Variants in TCEA2 observed in about 807,000 individuals in gnomAD.
TCEA2 encodes transcription elongation factor A protein 2.
In TCEA2, 21 loss-of-function variants were observed where a neutral mutation model predicts 40.8. The ratio of observed to expected loss-of-function variants is 0.51; its 90% CI spans 0.36 to 0.74. The LOEUF (loss-of-function observed/expected upper bound fraction) is 0.74, where lower values mean the gene tolerates loss of function less well. TCEA2 is among the 30% of genes least tolerant of loss of function. The probability of loss-of-function intolerance (pLI) is 0.00; values close to 1 mark genes in which losing one functional copy is unlikely to be tolerated. For synonymous variants in TCEA2, 165 were observed against 162.7 expected (o/e 1.01, Z -0.11); for missense variants, 326 against 426.5 (o/e 0.76, Z 2.08).
chr20:64,061,357 G>C (rs1038742778), upstream of TCEA2, among the ~76,000 whole-genome samples: 4 of 150,294 alleles, frequency 2.7e-5, no homozygotes, highest in Non-Finnish European at 4.4e-5. Flanking sequence ...CTCACTGCAA[G>C]CTCCGCCTCC....
chr20:64,060,137 T>C (rs1289186977), upstream of TCEA2, among the ~76,000 whole-genome samples: 2 of 152,226 alleles, frequency 1.3e-5, no homozygotes, highest in Non-Finnish European at 2.9e-5. Context: ...CTCTCTGGGG[T>C]TAGTTCTCCT....
intron 3 of TCEA2, among the ~76,000 whole-genome samples, chr20:64,067,607 TCTC>T (rs2059726512): frequency 6.8e-6 from 1 of 146,424 alleles, no homozygotes; most frequent in Non-Finnish European, 1.6e-5. Flanking sequence ...TGAAACAGTC[TCTC>T]TCCAGCCCTG....
At chr20:64,068,803 G>C (rs2059756447) in intron 4 of TCEA2, among the ~76,000 whole-genome samples, 1 of 152,264 alleles carries the variant, frequency 6.6e-6, no homozygotes, top group Non-Finnish European at 1.5e-5. Flanking sequence ...ATGCAGCCTG[G>C]TCGTTGGGCA....
upstream of TCEA2, chr20:64,063,155 C>T: frequency 1.8e-6 from 1 of 549,094 alleles, no homozygotes; most frequent in Non-Finnish European, 2.6e-6. Flanking sequence ...GGATGCCGCG[C>T]GCGGCCGCGG....
chr20:64,063,105 CGGCGGGCGCGGCA>C (rs1211458963), upstream of TCEA2: 4 of 303,428 alleles, frequency 1.3e-5, no homozygotes, highest in East Asian at 1.9e-4. Flanking sequence ...AGCGCGGGCG[CGGCGGGCGCGGCA>C]GGCGGGCGCG....
upstream of TCEA2, among the ~76,000 whole-genome samples, chr20:64,061,635 T>G (rs184805629): frequency 6.6e-6 from 1 of 152,208 alleles, no homozygotes. Context: ...GGTCTGGAAC[T>G]CCTGACCTCA....
chr20:64,068,014 C>T (rs772019067), intron 3 of TCEA2, 33 bp from the exon 4 acceptor site: 67 of 1,559,876 alleles, frequency 4.3e-5, no homozygotes, highest in Middle Eastern at 2.2e-4. Context: ...CTCTGCCTCC[C>T]CTTGATCAGC....
intron 4 of TCEA2, among the ~76,000 whole-genome samples, chr20:64,068,807 T>C (rs543119239): frequency 8.5e-5 from 13 of 152,392 alleles, no homozygotes; most frequent in Non-Finnish European, 1.3e-4. Context: ...AGCCTGGTCG[T>C]TGGGCAGCCC....
rs1235637431 is a variant in TCEA2 at position 64,070,275 on chromosome 20, T to C, written c.533T>C (p.Val178Ala). 3.7e-6 allele frequency: 6 copies of C among 1,614,002 alleles called. No individual in the cohort carries two copies. Among genetic ancestry groups the C allele is most frequent in the Non-Finnish European group, 5.1e-6 (6 of 1,180,024 alleles). ...AQIEECIFRD[V>A]GNTDMKYKNR... Reference sequence around the variant, plus strand: ...ACACTTGCACGCATCTTCCGGGACGTTGGAAACACAGACATGAAGTATAAG... The same window carrying C: ...ACACTTGCACGCATCTTCCGGGACGCTGGAAACACAGACATGAAGTATAAG... Residue 178 changes from valine (V) to alanine (A), a missense_variant, in exon 7 of 10, where the codon GTT (valine) becomes GCT (alanine). By Grantham distance (64) the Val-to-Ala change is moderately conservative. Coordinates refer to ENST00000343484, the MANE Select transcript of TCEA2 (RefSeq NM_003195.6).
At chr20:64,070,109 C>T in intron 6 of TCEA2, 151 bp from the exon 7 acceptor site, 2 of 1,213,618 alleles carry the variant, frequency 1.6e-6, no homozygotes, top group East Asian at 2.4e-5. Flanking sequence ...TGCAGCCCTT[C>T]ACCTCTCCAC....
upstream of TCEA2, among the ~76,000 whole-genome samples, chr20:64,060,833 A>T (rs2059547222): frequency 2.0e-5 from 3 of 151,498 alleles, no homozygotes; most frequent in South Asian, 6.2e-4. Context: ...CTCTGTTGCC[A>T]GGCTGGAGTG....
At chr20:64,062,831 A>C (rs188750597), upstream of TCEA2, 1,293 of 152,584 alleles carry the variant, frequency 8.5e-3, 19 homozygotes, top group African/African-American at 0.03. Flanking sequence ...GGCCCAAGAG[A>C]AGGGCTGAGG....
At chr20:64,066,732 CA>C (rs1281436542) in intron 2 of TCEA2, among the ~76,000 whole-genome samples, 182 bp from the exon 3 acceptor site, 4 of 152,194 alleles carry the variant, frequency 2.6e-5, no homozygotes, top group Admixed American at 6.5e-5. Context: ...GAGGATAACC[CA>C]TCTTGTCCTC....
intron 9 of TCEA2, 63 bp downstream of exon 9, chr20:64,072,004 C>T: frequency 1.2e-6 from 2 of 1,608,760 alleles, no homozygotes; most frequent in Non-Finnish European, 1.7e-6. Context: ...GTGTCTCAGC[C>T]TCTGTGGGGT....
chr20:64,064,523 G>A (rs921573576), intron 1 of TCEA2, among the ~76,000 whole-genome samples: 3 of 152,186 alleles, frequency 2.0e-5, no homozygotes, highest in African/African-American at 4.8e-5. Flanking sequence ...TTCCCACCCA[G>A]ACTGTGAACT....
At chr20:64,071,776 C>G in intron 8 of TCEA2, 94 bp from the exon 9 acceptor site, 1 of 1,454,786 alleles carries the variant, frequency 6.9e-7, no homozygotes, top group South Asian at 1.3e-5. Flanking sequence ...TGTGGGAGCT[C>G]AGTGGCTGCG....
intron 1 of TCEA2, 169 bp downstream of exon 1, chr20:64,063,553 C>T (rs1282756761): frequency 2.6e-6 from 2 of 761,048 alleles, no homozygotes; most frequent in Admixed American, 2.7e-5. Flanking sequence ...GCCGAGACCC[C>T]TGCCCCGGGC....
chr20:64,062,368 G>A (rs2059583001), upstream of TCEA2: 1 of 152,326 alleles, frequency 6.6e-6, no homozygotes, highest in Non-Finnish European at 1.5e-5. Flanking sequence ...CCTACCTAGG[G>A]ACCTCCAACA....
chr20:64,070,175 C>A (rs2059795800), intron 6 of TCEA2, 85 bp from the exon 7 acceptor site: 11 of 1,572,560 alleles, frequency 7.0e-6, no homozygotes, highest in Middle Eastern at 1.7e-4. Flanking sequence ...TTTCCAGCCC[C>A]CACCCCAACA....
Sources: gnomAD v4.1 joint callset for allele counts (sites outside exome capture counted in the v4.1 genomes callset) on GRCh38, gnomAD v4.1.1 for gene constraint, MANE v1.5 for transcripts, NCBI Gene and HGNC (gene_info 2026-07-23, HGNC 2026-07-21) for gene names.